The following PCDH17 variants were observed in gnomAD, a reference collection of about 807,000 sequenced individuals.
The protein encoded by PCDH17 is protocadherin 17.
In PCDH17, 21 loss-of-function variants were observed where a neutral mutation model predicts 67.7. The ratio of observed to expected loss-of-function variants is 0.31; its 90% CI spans 0.22 to 0.45. The LOEUF (loss-of-function observed/expected upper bound fraction) is 0.45. Ranked by LOEUF, PCDH17 falls within the 20% of genes least tolerant of loss-of-function variation. PCDH17 has a pLI of 1.00. For missense variants in PCDH17, 1,471 were observed against 1,564.8 expected (o/e 0.94, Z 1.01); for synonymous variants, 701 against 656.7 (o/e 1.07, Z -1.03).
intron 3 of PCDH17, among the ~76,000 whole-genome samples, chr13:57,691,779 A>T (rs996015575): frequency 6.6e-5 from 10 of 151,236 alleles, no homozygotes; most frequent in African/African-American, 2.4e-4. Flanking sequence ...TGGCCTATCT[A>T]GGATAATTTT....
At chr13:57,638,500 G>A (rs1226444936) in intron 1 of PCDH17, among the ~76,000 whole-genome samples, 1 of 151,910 alleles carries the variant, frequency 6.6e-6, no homozygotes, top group African/African-American at 2.4e-5. Context: ...TCTCATAGAA[G>A]GAAATACATT....
chr13:57,637,121 C>A (rs1270108537), intron 1 of PCDH17, among the ~76,000 whole-genome samples: 1 of 152,000 alleles, frequency 6.6e-6, no homozygotes, highest in Non-Finnish European at 1.5e-5. Context: ...CACGTGCGCA[C>A]ACACACACAG....
chr13:57,630,228 A>T (rs1954701050), upstream of PCDH17, among the ~76,000 whole-genome samples: 1 of 152,076 alleles, frequency 6.6e-6, no homozygotes, highest in African/African-American at 2.4e-5. Context: ...CTTTCCTTTC[A>T]TCCGCTGCTT....
chr13:57,686,320 G>A (rs928219908), intron 3 of PCDH17, among the ~76,000 whole-genome samples: 2 of 151,910 alleles, frequency 1.3e-5, no homozygotes, highest in African/African-American at 4.8e-5. Context: ...GAAAAGGACT[G>A]AGACCAAATT....
chr13:57,722,052 G>A (rs942959643), intron 3 of PCDH17, among the ~76,000 whole-genome samples: 3 of 152,054 alleles, frequency 2.0e-5, no homozygotes, highest in Admixed American at 6.6e-5. Flanking sequence ...TAATCACAAG[G>A]TGAACAGCTT....
intron 3 of PCDH17, among the ~76,000 whole-genome samples, chr13:57,678,133 C>T (rs1004345323): frequency 2.2e-4 from 31 of 140,810 alleles, no homozygotes; most frequent in Admixed American, 6.6e-4. Context: ...TTCACTCTCT[C>T]TCTCTATCTC....
At chr13:57,702,865 G>A (rs1292749266) in intron 3 of PCDH17, among the ~76,000 whole-genome samples, 1 of 152,138 alleles carries the variant, frequency 6.6e-6, no homozygotes, top group Non-Finnish European at 1.5e-5. Context: ...AGAAAAATTA[G>A]CTATTAGAAG....
At chr13:57,638,107 G>C (rs999146337) in intron 1 of PCDH17, among the ~76,000 whole-genome samples, 1 of 152,040 alleles carries the variant, frequency 6.6e-6, no homozygotes, top group African/African-American at 2.4e-5. Flanking sequence ...AAATATTTAA[G>C]TCTTTTTAAA....
intron 3 of PCDH17, among the ~76,000 whole-genome samples, chr13:57,700,986 A>C (rs895532268): frequency 1.3e-5 from 2 of 152,078 alleles, no homozygotes; most frequent in African/African-American, 4.8e-5. Flanking sequence ...AACACAGGAA[A>C]ACCCCATCTC....
At position 57,634,713 on chromosome 13, in the gene PCDH17, A is replaced by G; in HGVS notation, c.2167A>G (p.Met723Val). The change falls in exon 1 of 4, where the codon ATG becomes GTG. Residue 723 changes from methionine to valine, a missense_variant. Transcript: ENST00000377918. This position sits in a 1 kb window ranked among gnomAD's most constrained non-coding sequence, Gnocchi z 7.8. Reference protein sequence around the residue: ...STISIILLAAMITIAVKCKRE... With the variant: ...STISIILLAAVITIAVKCKRE... ...TATCTCCATCATCCTCCTAGCGGCC[A>G]TGATCACCATCGCCGTCAAGTGCAA... 6.2e-7 allele frequency: 1 copy of G among 1,613,930 alleles called. No homozygotes were observed. Among genetic ancestry groups the G allele is most frequent in the Non-Finnish European group, 8.5e-7 (1 of 1,180,018 alleles).
At chr13:57,711,122 G>A (rs1244248622) in intron 3 of PCDH17, among the ~76,000 whole-genome samples, 1 of 151,728 alleles carries the variant, frequency 6.6e-6, no homozygotes, top group Non-Finnish European at 1.5e-5. Flanking sequence ...TAAATTCAAG[G>A]GTATCATTTA....
chr13:57,640,670 A>C (rs1007433370), intron 1 of PCDH17, among the ~76,000 whole-genome samples: 1 of 152,052 alleles, frequency 6.6e-6, no homozygotes, highest in African/African-American at 2.4e-5. Flanking sequence ...GTAGACGAAG[A>C]GAAACAAAAA....
intron 3 of PCDH17, among the ~76,000 whole-genome samples, chr13:57,676,369 G>A (rs917304532): frequency 5.3e-5 from 8 of 151,856 alleles, no homozygotes; most frequent in African/African-American, 1.7e-4. Flanking sequence ...TACTAAGGTG[G>A]TGAAGACAGG....
At chr13:57,657,651 A>G (rs542454278) in intron 1 of PCDH17, among the ~76,000 whole-genome samples, 44 of 152,224 alleles carry the variant, frequency 2.9e-4, no homozygotes, top group Non-Finnish European at 6.0e-4. Context: ...CTTGTTATCA[A>G]TGTGAAAAGC....
At chr13:57,654,805 C>A (rs1955083929) in intron 1 of PCDH17, among the ~76,000 whole-genome samples, 1 of 151,786 alleles carries the variant, frequency 6.6e-6, no homozygotes. Flanking sequence ...GGTATATATT[C>A]TTATATTTCA....
intron 3 of PCDH17, among the ~76,000 whole-genome samples, chr13:57,724,067 C>T (rs1955892864): frequency 6.6e-6 from 1 of 152,058 alleles, no homozygotes; most frequent in Non-Finnish European, 1.5e-5. Flanking sequence ...ATTCCATTTG[C>T]CACTCTCAGT....
At chr13:57,680,791 C>T (rs1955441297) in intron 3 of PCDH17, among the ~76,000 whole-genome samples, 1 of 151,680 alleles carries the variant, frequency 6.6e-6, no homozygotes, top group Admixed American at 6.6e-5. Flanking sequence ...ATAAGCATAA[C>T]TCATAAGAAA....
intron 1 of PCDH17, 103 bp downstream of exon 1, chr13:57,635,214 G>A (rs1954807390): frequency 1.7e-6 from 2 of 1,185,320 alleles, no homozygotes; most frequent in East Asian, 2.3e-5. Flanking sequence ...CAGCAGTGAG[G>A]GGGAAAAATA....
chr13:57,686,529 G>T (rs2138055687), intron 3 of PCDH17, among the ~76,000 whole-genome samples: 1 of 152,038 alleles, frequency 6.6e-6, no homozygotes, highest in South Asian at 2.1e-4. Flanking sequence ...CATATAAAGT[G>T]ATATGAACCA....
Sources: gnomAD v4.1 joint callset for allele counts (sites outside exome capture counted in the v4.1 genomes callset) on GRCh38, gnomAD v4.1.1 for gene constraint, Gnocchi (gnomAD v3.1) non-coding constraint, MANE v1.5 for transcripts, NCBI Gene and HGNC (gene_info 2026-07-23, HGNC 2026-07-21) for gene names.